The following EDA variants were observed in gnomAD, a reference collection of about 807,000 sequenced individuals.
EDA encodes ectodysplasin A, also known as ectodysplasin-A.
In EDA, 2 loss-of-function variants were observed where a neutral mutation model predicts 23.6. The observed-to-expected ratio is 0.08, with a 90% CI of 0.03 to 0.27. The LOEUF (loss-of-function observed/expected upper bound fraction) is 0.27, where lower values mean the gene tolerates loss of function less well. Ranked by LOEUF, EDA falls within the 10% of genes least tolerant of loss-of-function variation. The probability of loss-of-function intolerance (pLI) is 1.00; values close to 1 mark genes in which losing one functional copy is unlikely to be tolerated. For missense variants in EDA, 229 were observed against 324.2 expected (o/e 0.71, Z 2.26); for synonymous variants, 131 against 132.0 (o/e 0.99, Z 0.05).
intron 1 of EDA, among the ~76,000 whole-genome samples, chrX:69,671,787 T>C (rs1380288479): frequency 8.9e-6 from 1 of 112,565 alleles, no homozygotes; most frequent in Non-Finnish European, 1.9e-5. Flanking sequence ...CATTTATTCA[T>C]TGTTTTGTTT....
intron 2 of EDA, among the ~76,000 whole-genome samples, chrX:70,014,291 A>G (rs745537143): frequency 7.1e-5 from 8 of 113,114 alleles, no homozygotes; most frequent in African/African-American, 2.6e-4. Flanking sequence ...AGTGCTATCT[A>G]CTGGATCACA....
chrX:69,894,816 T>C (rs928281163), intron 1 of EDA, among the ~76,000 whole-genome samples: 2 of 111,975 alleles, frequency 1.8e-5, no homozygotes. Flanking sequence ...GCAGAGACTA[T>C]GGGGTTTTCT....
At chrX:69,656,643 G>A (rs146083223) in intron 1 of EDA, among the ~76,000 whole-genome samples, 3 of 110,914 alleles carry the variant, frequency 2.7e-5, no homozygotes, top group African/African-American at 6.6e-5. Context: ...CAACCCCTGC[G>A]CTCCTCCCTC....
intron 1 of EDA, among the ~76,000 whole-genome samples, chrX:69,672,058 C>G (rs1933914937): frequency 8.9e-6 from 1 of 112,012 alleles, no homozygotes. Context: ...ATTTATTGAA[C>G]AGTGAATAAT....
At chrX:69,993,148 T>TA (rs903458841) in intron 2 of EDA, among the ~76,000 whole-genome samples, 4 of 107,788 alleles carry the variant, frequency 3.7e-5, no homozygotes, top group African/African-American at 1.3e-4. Context: ...AAAAAACCCT[T>TA]AAAAAACCCT....
At chrX:69,644,667 A>G (rs1932884616) in intron 1 of EDA, among the ~76,000 whole-genome samples, 1 of 111,083 alleles carries the variant, frequency 9.0e-6, no homozygotes, top group African/African-American at 3.3e-5. Context: ...AGGAGTGGTA[A>G]GAGGGGGTAT....
chrX:69,909,306 G>C (rs1439298289), intron 1 of EDA, among the ~76,000 whole-genome samples: 2 of 111,620 alleles, frequency 1.8e-5, no homozygotes, highest in East Asian at 5.6e-4. Flanking sequence ...GTTTTGTTTT[G>C]TTTTGTTTGA....
intron 1 of EDA, among the ~76,000 whole-genome samples, chrX:69,718,712 A>AT (rs2012448468): frequency 9.0e-6 from 1 of 110,825 alleles, no homozygotes; most frequent in Non-Finnish European, 1.9e-5. Flanking sequence ...TTTTATGAGG[A>AT]TTTTTGTATT....
chrX:69,898,737 A>T (rs2018056491), intron 1 of EDA, among the ~76,000 whole-genome samples: 3 of 112,392 alleles, frequency 2.7e-5, no homozygotes, highest in Admixed American at 1.9e-4. Flanking sequence ...ATGTATTGAA[A>T]TTTTTTATTG....
intron 1 of EDA, among the ~76,000 whole-genome samples, chrX:69,863,131 A>T (rs1020275968): frequency 9.1e-6 from 1 of 109,949 alleles, no homozygotes; most frequent in African/African-American, 3.3e-5. Context: ...ATTGGTACCC[A>T]GTGAATTGTG....
chrX:69,649,957 TGGAACTGTGGCTGCCACATCTTTATG>T (rs1933049716), intron 1 of EDA, among the ~76,000 whole-genome samples: 1 of 112,000 alleles, frequency 8.9e-6, no homozygotes, highest in Admixed American at 9.5e-5. Flanking sequence ...ACCAAAGAGT[TGGAACTGTGGCTGCCACATCTTTATG>T]GGAAATGTGG....
intron 1 of EDA, among the ~76,000 whole-genome samples, chrX:69,636,963 C>T (rs760255715): frequency 9.0e-6 from 1 of 110,751 alleles, no homozygotes; most frequent in East Asian, 2.9e-4. Flanking sequence ...AATTTTCAAC[C>T]GCAATTTTTT....
chrX:69,957,799 A>C (rs1003509846), intron 2 of EDA, among the ~76,000 whole-genome samples: 1 of 111,942 alleles, frequency 8.9e-6, no homozygotes, highest in Non-Finnish European at 1.9e-5. Context: ...TGGAATTGAC[A>C]GTGTTGTACC....
At chrX:69,797,075 T>C (rs1299932224) in intron 1 of EDA, among the ~76,000 whole-genome samples, 2 of 111,332 alleles carry the variant, frequency 1.8e-5, no homozygotes, top group East Asian at 5.6e-4. Context: ...AGAGCTTTTT[T>C]TATATGTATA....
At chrX:69,876,180 T>A (rs939163604) in intron 1 of EDA, among the ~76,000 whole-genome samples, 3 of 111,311 alleles carry the variant, frequency 2.7e-5, no homozygotes, top group Non-Finnish European at 5.7e-5. Context: ...AAAAGATGCC[T>A]GCACACGCAT....
At chrX:69,682,358 G>A (rs192542462) in intron 1 of EDA, among the ~76,000 whole-genome samples, 1,260 of 112,777 alleles carry the variant, frequency 0.011, 17 homozygotes, top group African/African-American at 0.039. Flanking sequence ...CCCAGTTGGA[G>A]CTTCCAGTCT....
rs113236180 is a variant in EDA at position 69,654,803 on chromosome X, G to T, written c.396+38099G>T. ...CACACACCGGGGACTGTTGTGGGGTGGGGGGAGGGGGGAAGGATAGCATTA... is the reference window on the plus strand; with the variant it reads ...CACACACCGGGGACTGTTGTGGGGTTGGGGGAGGGGGGAAGGATAGCATTA... On this transcript the variant is annotated intron_variant, in intron 1 of 7. Coordinates refer to ENST00000374552, the MANE Select transcript of EDA (RefSeq NM_001399.5). 3.6e-4 allele frequency among the ~76,000 whole-genome samples: 33 copies of T among 92,724 alleles called. 1 individual carries two copies. The highest frequency in any genetic ancestry group is 1.3e-3 in the African/African-American group (33 of 24,791). 80.5% of individuals were successfully genotyped at this position (92,724 alleles called of 115,157 possible).
At chrX:69,799,567 A>G (rs1218463864) in intron 1 of EDA, among the ~76,000 whole-genome samples, 1 of 110,861 alleles carries the variant, frequency 9.0e-6, no homozygotes, top group Non-Finnish European at 1.9e-5. Context: ...ACATTTCTCA[A>G]AAGAAGACAT....
intron 1 of EDA, among the ~76,000 whole-genome samples, chrX:69,845,119 G>A (rs756813858): frequency 8.9e-6 from 1 of 112,547 alleles, no homozygotes; most frequent in Admixed American, 9.4e-5. Flanking sequence ...ATTCAAGCAT[G>A]TTCATATATT....
Sources: gnomAD v4.1 joint callset for allele counts (sites outside exome capture counted in the v4.1 genomes callset) on GRCh38, gnomAD v4.1.1 for gene constraint, MANE v1.5 for transcripts, NCBI Gene and HGNC (gene_info 2026-07-23, HGNC 2026-07-21) for gene names.